EPHA5: variants seen among roughly 807,000 people sequenced by gnomAD.
EPHA5 encodes EPH receptor A5, also known as ephrin type-A receptor 5.
EPHA5 carries 60 observed loss-of-function variants against 105.0 expected under a neutral mutation model. That is an observed-to-expected ratio of 0.57 (90% CI 0.46 to 0.71). The LOEUF is 0.71. Ranked by LOEUF, EPHA5 falls within the 30% of genes least tolerant of loss-of-function variation. EPHA5 has a pLI of 0.00. For missense variants in EPHA5, 1,218 were observed against 1,274.7 expected (o/e 0.96, Z 0.68); for synonymous variants, 513 against 449.1 (o/e 1.14, Z -1.80).
Position 65,490,707 on chromosome 4 carries a change from G to C in EPHA5, c.1072C>G (p.Pro358Ala), listed in dbSNP as rs762220456. Residue 358 changes from proline (P) to alanine (A), a missense_variant, in exon 5 of 17, where the codon CCC becomes GCC. Transcript: ENST00000613740. ...DPPTMACTRP[P>A]SAPRNAISNV... ...GAGATGGCATTCCGAGGAGCAGAGG[G>C]GGGTCCTGGTTTACAAAGTAAAGTA... is the stretch of plus-strand genomic sequence containing the variant. The C allele has an allele frequency of 6.2e-7, 1 of 1,612,774 alleles. No homozygotes were observed. Among genetic ancestry groups the C allele is most frequent in the Admixed American group, 1.7e-5 (1 of 59,994 alleles).
chr4:65,404,287 T>C (rs1722139581), intron 8 of EPHA5, 87 bp downstream of exon 8: 1 of 1,013,618 alleles, frequency 9.9e-7, no homozygotes, highest in South Asian at 1.3e-5. Context: ...CTGATTTGTT[T>C]TGGGATGTGC....
chr4:65,493,359 T>C (rs1369406463), intron 4 of EPHA5, among the ~76,000 whole-genome samples: 1 of 152,042 alleles, frequency 6.6e-6, no homozygotes, highest in African/African-American at 2.4e-5. Flanking sequence ...GCTTATAAAA[T>C]GTTGTTATAT....
chr4:65,364,296 C>T (rs1577922923), intron 11 of EPHA5, among the ~76,000 whole-genome samples: 1 of 151,502 alleles, frequency 6.6e-6, no homozygotes, highest in Admixed American at 6.6e-5. Flanking sequence ...CACATAGAAA[C>T]AGTAAAGAAA....
At chr4:65,518,338 C>T (rs1252570462) in intron 3 of EPHA5, among the ~76,000 whole-genome samples, 2 of 151,638 alleles carry the variant, frequency 1.3e-5, no homozygotes. Flanking sequence ...TAAATTAGAG[C>T]CCCCAAATCA....
chr4:65,585,898 C>T (rs1337705405), intron 3 of EPHA5, among the ~76,000 whole-genome samples: 1 of 151,276 alleles, frequency 6.6e-6, no homozygotes, highest in African/African-American at 2.4e-5. Flanking sequence ...TAATATAAAA[C>T]TGGAAAAAAA....
At chr4:65,421,067 C>A (rs929842165) in intron 5 of EPHA5, among the ~76,000 whole-genome samples, 6 of 151,760 alleles carry the variant, frequency 4.0e-5, no homozygotes, top group African/African-American at 1.4e-4. Flanking sequence ...AACATGCCAC[C>A]AAAGATATGA....
intron 3 of EPHA5, among the ~76,000 whole-genome samples, chr4:65,564,644 C>G (rs1176660285): frequency 6.6e-6 from 1 of 151,712 alleles, no homozygotes; most frequent in Non-Finnish European, 1.5e-5. Flanking sequence ...AAAAATCTCA[C>G]AGTAGAGTGG....
chr4:65,444,227 G>A (rs904130324), intron 5 of EPHA5, among the ~76,000 whole-genome samples: 3 of 152,052 alleles, frequency 2.0e-5, no homozygotes, highest in East Asian at 3.9e-4. Flanking sequence ...TCACTTACCC[G>A]TGCTGAAGAT....
chr4:65,349,626 T>C (rs900182822), intron 13 of EPHA5, among the ~76,000 whole-genome samples: 8 of 152,140 alleles, frequency 5.3e-5, no homozygotes, highest in Admixed American at 1.3e-4. Context: ...AGTTTCAATA[T>C]ATATAAGGAA....
intron 5 of EPHA5, among the ~76,000 whole-genome samples, chr4:65,463,094 T>A (rs1404082010): frequency 6.6e-6 from 1 of 152,186 alleles, no homozygotes; most frequent in Non-Finnish European, 1.5e-5. Flanking sequence ...TAAGTATTGG[T>A]CTATATTAAA....
chr4:65,377,963 C>A (rs1456760292), intron 8 of EPHA5, among the ~76,000 whole-genome samples: 8 of 151,822 alleles, frequency 5.3e-5, no homozygotes, highest in Non-Finnish European at 1.0e-4. Context: ...ACCAGCAGGT[C>A]CAGGCTTTCA....
rs1338727571 is a variant in EPHA5, at chr4:65,490,545, C to A, written c.1234G>T (p.Val412Phe). 6.2e-7 allele frequency: 1 copy of A among 1,614,118 alleles called. No individual in the cohort carries two copies. Among genetic ancestry groups the A allele is most frequent in the Non-Finnish European group, 8.5e-7 (1 of 1,180,014 alleles). ...CCGCTTTGCCGGGGAAGGTACCTGA[C>A]ATGACCGCCACACTCCTCACACACA... Reference protein sequence around the residue: ...AGVCEECGGHVRYLPRQSGLK... With the variant: ...AGVCEECGGHFRYLPRQSGLK... The change falls in exon 5 of 17, where the codon GTC becomes TTC. Residue 412 changes from valine (V) to phenylalanine (F), a missense_variant. By Grantham distance (50) the Val-to-Phe change is conservative. This residue lies in a region of EPHA5 where 971 missense variants were observed against 1,013.5 expected (regional missense o/e 0.96). Transcript: ENST00000613740.
At chr4:65,475,516 T>C (rs748885728) in intron 5 of EPHA5, among the ~76,000 whole-genome samples, 1 of 152,282 alleles carries the variant, frequency 6.6e-6, no homozygotes, top group East Asian at 1.9e-4. Context: ...ATGTATATGA[T>C]TTCAACCACT....
At chr4:65,647,875 G>A (rs1748261623) in intron 1 of EPHA5, among the ~76,000 whole-genome samples, 3 of 152,070 alleles carry the variant, frequency 2.0e-5, no homozygotes, top group African/African-American at 7.2e-5. Context: ...GTACTAAATT[G>A]CAAATTCCTA....
At chr4:65,385,870 T>C (rs1435578587) in intron 8 of EPHA5, among the ~76,000 whole-genome samples, 1 of 151,880 alleles carries the variant, frequency 6.6e-6, no homozygotes, top group Non-Finnish European at 1.5e-5. Flanking sequence ...TGTATAATAC[T>C]GATAAAAATC....
intron 3 of EPHA5, among the ~76,000 whole-genome samples, chr4:65,556,173 A>G (rs1170602020): frequency 6.6e-6 from 1 of 152,184 alleles, no homozygotes; most frequent in Admixed American, 6.6e-5. Flanking sequence ...ATTTCTGAAA[A>G]AGCATAAAGC....
intron 13 of EPHA5, among the ~76,000 whole-genome samples, chr4:65,348,815 A>ATATATATATTT (rs71657404): frequency 3.1e-5 from 2 of 64,120 alleles, no homozygotes; most frequent in African/African-American, 1.2e-4. Context: ...ATATATATAT[A>ATATATATATTT]TTTTTTTTTT....
intron 2 of EPHA5, among the ~76,000 whole-genome samples, chr4:65,624,152 A>G (rs1010370131): frequency 1.3e-5 from 2 of 152,144 alleles, no homozygotes; most frequent in South Asian, 4.1e-4. Context: ...GGAAAAACCA[A>G]TACTTATTTA....
At chr4:65,423,475 G>T (rs539465280) in intron 5 of EPHA5, among the ~76,000 whole-genome samples, 1 of 151,968 alleles carries the variant, frequency 6.6e-6, no homozygotes, top group African/African-American at 2.4e-5. Context: ...TCTTCTGCAT[G>T]GGAAATTTGT....
Sources: gnomAD v4.1 joint callset for allele counts (sites outside exome capture counted in the v4.1 genomes callset) on GRCh38, gnomAD v4.1.1 for gene constraint, gnomAD v4.1.1 regional missense constraint, MANE v1.5 for transcripts, NCBI Gene and HGNC (gene_info 2026-07-23, HGNC 2026-07-21) for gene names.